TMEM144: variants seen among roughly 807,000 people sequenced by gnomAD.
TMEM144 encodes the protein transmembrane protein 144.
In TMEM144, 39 loss-of-function variants were observed where a neutral mutation model predicts 43.6. The ratio of observed to expected loss-of-function variants is 0.90; its 90% CI spans 0.69 to 1.17. The LOEUF (loss-of-function observed/expected upper bound fraction) is 1.17. Among genes scored for constraint, TMEM144 ranks in the 50% most tolerant of loss-of-function variants. The pLI, the probability that TMEM144 is intolerant of heterozygous loss-of-function variation, is 0.00. For missense variants in TMEM144, 417 were observed against 411.9 expected, an observed-to-expected ratio of 1.01 and a Z score of -0.11; for synonymous variants, 154 against 133.6, an observed-to-expected ratio of 1.15 and a Z score of -1.06.
chr4:158,248,092 A>G (rs2111153390), intron 12 of TMEM144, among the ~76,000 whole-genome samples: 1 of 150,992 alleles, frequency 6.6e-6, no homozygotes, highest in African/African-American at 2.4e-5. Context: ...GTATTAAAAG[A>G]AGAGAGAGGG....
intron 6 of TMEM144, among the ~76,000 whole-genome samples, chr4:158,225,550 G>A (rs1230668364): frequency 6.6e-6 from 1 of 152,166 alleles, no homozygotes; most frequent in East Asian, 1.9e-4. Context: ...AGAGTTGAAA[G>A]ACCTATAAGG....
At chr4:158,243,585 C>T (rs949923008) in intron 11 of TMEM144, among the ~76,000 whole-genome samples, 1 of 152,170 alleles carries the variant, frequency 6.6e-6, no homozygotes, top group African/African-American at 2.4e-5. Flanking sequence ...GAAGAATTAC[C>T]ACCAAACTTG....
intron 6 of TMEM144, 124 bp downstream of exon 6, chr4:158,219,514 AT>A (rs1196447659): frequency 5.2e-6 from 5 of 968,280 alleles, no homozygotes; most frequent in Non-Finnish European, 7.7e-6. Flanking sequence ...TGTTCCTCAG[AT>A]TCTTCATTTA....
intron 6 of TMEM144, among the ~76,000 whole-genome samples, chr4:158,221,361 C>T (rs1734498188): frequency 6.6e-6 from 1 of 152,120 alleles, no homozygotes; most frequent in Non-Finnish European, 1.5e-5. Flanking sequence ...AACATAATGT[C>T]TTCTCCCATC....
intron 6 of TMEM144, among the ~76,000 whole-genome samples, chr4:158,223,455 T>A (rs1168254227): frequency 2.0e-5 from 3 of 152,148 alleles, no homozygotes; most frequent in Admixed American, 2.0e-4. Flanking sequence ...TTTTTTTACT[T>A]TAAGTTCCAG....
At chr4:158,247,015 A>G (rs576801594) in intron 12 of TMEM144, among the ~76,000 whole-genome samples, 8 of 152,074 alleles carry the variant, frequency 5.3e-5, no homozygotes, top group African/African-American at 1.4e-4. Context: ...TGGTAAAGAC[A>G]TCTTTAAAAA....
At chr4:158,218,677 G>A (rs904260627) in intron 5 of TMEM144, among the ~76,000 whole-genome samples, 11 of 152,096 alleles carry the variant, frequency 7.2e-5, no homozygotes, top group Non-Finnish European at 1.5e-4. Context: ...ATACAATATT[G>A]TAACCAATTA....
At position 158,235,470 on chromosome 4, in the gene TMEM144, G is replaced by A. The variant is rs539307030; in HGVS notation, c.528G>A (p.Trp176Ter). 2.1e-5 allele frequency: 34 copies of A among 1,613,830 alleles called. No individual in the cohort carries two copies. In the East Asian group the frequency reaches 6.0e-4, roughly 29 times the overall value. The change falls in exon 8 of 13, where the codon TGG becomes TGA. Residue 176 changes from tryptophan to a stop codon, truncating the protein, a stop_gained. Coordinates refer to ENST00000296529, the MANE Select transcript of TMEM144 (RefSeq NM_018342.5). LOFTEE classifies it high-confidence loss of function. ...ACACAACCCAAGACCCCTGTTCCTG[G>A]GTGGATAAACTTTCTACAGTACACC... The part of the protein sequence containing the change: ...VINTTQDPCS[W>*]VDKLSTVHHR...
chr4:158,230,580 T>C (rs1213374114), intron 6 of TMEM144, among the ~76,000 whole-genome samples: 1 of 151,530 alleles, frequency 6.6e-6, no homozygotes, highest in Non-Finnish European at 1.5e-5. Context: ...ATATTAACCT[T>C]ACAAATATAT....
chr4:158,217,490 G>A (rs903259057), intron 5 of TMEM144, 70 bp downstream of exon 5: 18 of 1,096,064 alleles, frequency 1.6e-5, no homozygotes, highest in South Asian at 7.7e-5. Context: ...AGTGATTACC[G>A]AGAGGAATAA....
At chr4:158,211,037 ATGGAG>A (rs993402586) in intron 1 of TMEM144, 1 of 152,266 alleles carries the variant, frequency 6.6e-6, no homozygotes, top group African/African-American at 2.4e-5. Flanking sequence ...AATGTGCTGG[ATGGAG>A]TGATACTGCT....
intron 12 of TMEM144, among the ~76,000 whole-genome samples, chr4:158,250,512 C>A: frequency 6.6e-6 from 1 of 152,180 alleles, no homozygotes; most frequent in East Asian, 1.9e-4. Context: ...GTCAACCCGT[C>A]TATCCTGCCC....
At chr4:158,215,413 A>G in intron 4 of TMEM144, 100 bp downstream of exon 4, 7 of 1,425,298 alleles carry the variant, frequency 4.9e-6, no homozygotes, top group Non-Finnish European at 6.6e-6. Flanking sequence ...GATTCTGAAT[A>G]ACCCTTAGTC....
intron 10 of TMEM144, among the ~76,000 whole-genome samples, chr4:158,241,031 A>G (rs891905621): frequency 4.6e-5 from 7 of 152,200 alleles, no homozygotes; most frequent in Non-Finnish European, 5.9e-5. Flanking sequence ...GATTTATGCT[A>G]AAGAATGCCA....
At chr4:158,239,235 T>G (rs1427890600) in intron 9 of TMEM144, among the ~76,000 whole-genome samples, 1 of 152,206 alleles carries the variant, frequency 6.6e-6, no homozygotes, top group Non-Finnish European at 1.5e-5. Context: ...ATTTAAGACT[T>G]AGAGCAACAG....
At position 158,241,541 on chromosome 4, in the gene TMEM144, A is replaced by G; in HGVS notation, c.835A>G (p.Thr279Ala). ...GTCAGGAGTACTTTGGGCTATAGCT[A>G]CCTGCTGTTGGTTCATAGCAAATCA... is the stretch of plus-strand genomic sequence containing the variant. ...FLSGVLWAIA[T>A]CCWFIANHSL... The change falls in exon 11 of 13, where the codon ACC (threonine) becomes GCC (alanine). Residue 279 changes from threonine to alanine, a missense_variant. Transcript: ENST00000296529. The G allele has an allele frequency of 3.1e-6, 5 of 1,613,994 alleles. No individual in the cohort carries two copies. The highest frequency in any genetic ancestry group is 4.2e-6 in the Non-Finnish European group (5 of 1,179,902).
chr4:158,229,369 T>A (rs954253127), intron 6 of TMEM144, among the ~76,000 whole-genome samples: 2 of 152,200 alleles, frequency 1.3e-5, no homozygotes, highest in African/African-American at 2.4e-5. Context: ...GGATGCCTTC[T>A]TCTTCATCTG....
chr4:158,228,350 G>T (rs1734881082), intron 6 of TMEM144, among the ~76,000 whole-genome samples: 1 of 148,510 alleles, frequency 6.7e-6, no homozygotes, highest in South Asian at 2.1e-4. Flanking sequence ...CAAGACTGGT[G>T]CTGTCAAGCA....
At chr4:158,242,079 A>G (rs144903561) in intron 11 of TMEM144, among the ~76,000 whole-genome samples, 53 of 152,374 alleles carry the variant, frequency 3.5e-4, no homozygotes, top group African/African-American at 1.2e-3. Context: ...ATGAAAGCCT[A>G]ATTCAAAGGA....
Sources: gnomAD v4.1 joint callset for allele counts (sites outside exome capture counted in the v4.1 genomes callset) on GRCh38, gnomAD v4.1.1 for gene constraint, MANE v1.5 for transcripts, NCBI Gene and HGNC (gene_info 2026-07-23, HGNC 2026-07-21) for gene names.